The following CES5A variants were observed in gnomAD, a reference collection of about 807,000 sequenced individuals.
CES5A encodes the protein carboxylesterase 5A, also known as carboxylesterase 5.
In CES5A, 67 loss-of-function variants were observed where a neutral mutation model predicts 62.9. The ratio of observed to expected loss-of-function variants is 1.07; its 90% CI spans 0.88 to 1.31. CES5A has a LOEUF of 1.31. Among genes scored for constraint, CES5A ranks in the 50% most tolerant of loss-of-function variants. CES5A has a pLI of 0.00. For synonymous variants in CES5A, 296 were observed against 280.8 expected (o/e 1.05, Z -0.54); for missense variants, 748 against 708.5 (o/e 1.06, Z -0.63).
chr16:55,908,736 C>T (rs2034064097), intron 1 of CES5A, among the ~76,000 whole-genome samples: 1 of 152,188 alleles, frequency 6.6e-6, no homozygotes, highest in Non-Finnish European at 1.5e-5. Context: ...AGGTGACCTG[C>T]AATTCCCGCA....
intron 9 of CES5A, among the ~76,000 whole-genome samples, chr16:55,855,535 A>T (rs1450523626): frequency 6.6e-6 from 1 of 152,220 alleles, no homozygotes; most frequent in Non-Finnish European, 1.5e-5. Context: ...GTGTTTCAGC[A>T]TTCAGAGCTT....
chr16:55,897,844 G>A lies in CES5A; in HGVS notation c.-255-23807C>T, dbSNP rs1020078313. ...GTAGAATAAAGAAATGTAGTAGTAG[G>A]ATAAATAAATTGTGGTATATACATA... is the stretch of plus-strand genomic sequence containing the variant. On this transcript the variant is annotated intron_variant, in intron 1 of 12. Transcript: ENST00000518005. Among the ~76,000 whole-genome samples, 14 of 152,286 alleles carry A rather than the reference G, an allele frequency of 9.2e-5. No homozygotes were observed. The East Asian group carries it at 1.9e-3, about 21-fold the overall frequency.
intron 1 of CES5A, among the ~76,000 whole-genome samples, chr16:55,955,525 G>A (rs1405893386): frequency 5.3e-5 from 8 of 152,228 alleles, no homozygotes; most frequent in African/African-American, 1.2e-4. Context: ...GGAGCTTGAC[G>A]CTCCATTACC....
chr16:55,848,854 C>T (rs1230791482), intron 11 of CES5A, among the ~76,000 whole-genome samples: 4 of 152,062 alleles, frequency 2.6e-5, no homozygotes, highest in African/African-American at 4.8e-5. Context: ...CTTTATGGGG[C>T]TTATTTTATT....
chr16:55,930,304 C>T (rs192730019), upstream of CES5A, among the ~76,000 whole-genome samples: 82 of 152,204 alleles, frequency 5.4e-4, no homozygotes, highest in Middle Eastern at 3.4e-3. Flanking sequence ...CAGCATCATC[C>T]TTTGCCAGGC....
intron 2 of CES5A, 102 bp downstream of exon 2, chr16:55,873,731 C>T: frequency 2.8e-6 from 3 of 1,066,308 alleles, no homozygotes; most frequent in African/African-American, 1.6e-5. Flanking sequence ...TCCCTCCTCC[C>T]CCATCCATGC....
chr16:55,873,855 C>T lies in CES5A; in HGVS notation c.256G>A (p.Glu86Lys), dbSNP rs750484176. The part of the protein sequence containing the change: ...QPASPWDNLR[E>K]ATSYPNLCLQ... ...TACAAATTAGGGTAGGAGGTGGCTT[C>T]TCGCAAGTTATCCCAGGGCGATGCA... Residue 86 changes from glutamate to lysine, a missense_variant, in exon 2 of 13, where the codon GAA becomes AAA. Transcript: ENST00000290567. 3 of 1,613,204 alleles carry T rather than the reference C, an allele frequency of 1.9e-6. No individual in the cohort carries two copies. Among genetic ancestry groups the T allele is most frequent in the Non-Finnish European group, 2.5e-6 (3 of 1,179,696 alleles).
rs1226293603 is a variant in CES5A, at chr16:55,863,346, A to G, written c.810+2T>C. 5.5e-6 allele frequency: 8 copies of G among 1,459,084 alleles called. No individual in the cohort carries two copies. The highest frequency in any genetic ancestry group is 3.9e-6 in the Non-Finnish European group (4 of 1,038,962). The allele number at this position is 1,459,084 out of a possible 1,614,324, so 90.4% of individuals were successfully genotyped here. ...GTGGCAAGGTGTTAACAGTATACGT[A>G]CGTCCTCACTCTTCTCATAATCATG... On this transcript the variant is annotated splice_donor_variant, in intron 6 of 12. Coordinates refer to ENST00000290567, the MANE Select transcript of CES5A (RefSeq NM_001143685.2). LOFTEE classifies it high-confidence loss of function.
chr16:55,926,346 G>A (rs1293902877), upstream of CES5A, among the ~76,000 whole-genome samples: 1 of 152,132 alleles, frequency 6.6e-6, no homozygotes, highest in Non-Finnish European at 1.5e-5. Context: ...AAAAGTTGTG[G>A]AAAATGGAAT....
chr16:55,847,673 A>C, intron 11 of CES5A, among the ~76,000 whole-genome samples: 1 of 152,156 alleles, frequency 6.6e-6, no homozygotes, highest in Non-Finnish European at 1.5e-5. Flanking sequence ...AATTGATCTC[A>C]TATATAGGAC....
In CES5A at chr16:55,912,084, G is replaced by A. The variant is rs554093837; in HGVS notation, c.-256+13239C>T. The stretch of plus-strand genomic sequence containing the variant: ...CTCACAGGCCTTGTATCAACTCCCC[G>A]CCCCTCCCAGAAGTAGAGGAACATG... On this transcript the variant is annotated intron_variant, in intron 1 of 12. Transcript: ENST00000518005. 8.5e-5 allele frequency among the ~76,000 whole-genome samples: 13 copies of A among 152,160 alleles called. No individual in the cohort carries two copies. The East Asian group carries it at 9.7e-4, about 11-fold the overall frequency.
intron 1 of CES5A, among the ~76,000 whole-genome samples, chr16:55,922,489 G>C (rs1173724818): frequency 6.6e-6 from 1 of 151,884 alleles, no homozygotes; most frequent in African/African-American, 2.4e-5. Flanking sequence ...TCAGCAAAAC[G>C]ATATAACAAT....
intron 1 of CES5A, among the ~76,000 whole-genome samples, chr16:55,912,830 G>A (rs879894092): frequency 2.0e-5 from 3 of 152,184 alleles, no homozygotes; most frequent in Non-Finnish European, 4.4e-5. Flanking sequence ...GAGGCCCTGA[G>A]AGGTGAAGAC....
intron 1 of CES5A, among the ~76,000 whole-genome samples, chr16:55,894,512 A>AAAAG (rs1555484117): frequency 2.7e-5 from 4 of 149,764 alleles, no homozygotes; most frequent in South Asian, 2.1e-4. Context: ...AAAAAAAAAA[A>AAAAG]AAAGAAAAGA....
chr16:55,873,028 C>A (rs1238150471), intron 2 of CES5A, among the ~76,000 whole-genome samples: 1 of 152,166 alleles, frequency 6.6e-6, no homozygotes. Context: ...CCTTGGACCA[C>A]ATGGGGTCAT....
chr16:55,864,537 A>G (rs574309475), intron 5 of CES5A, among the ~76,000 whole-genome samples: 4 of 152,246 alleles, frequency 2.6e-5, no homozygotes, highest in Non-Finnish European at 5.9e-5. Context: ...AATGAACTGT[A>G]TGTGTACAAA....
At chr16:55,866,852 TA>T (rs1234438702) in intron 4 of CES5A, among the ~76,000 whole-genome samples, 2 of 150,812 alleles carry the variant, frequency 1.3e-5, no homozygotes, top group Non-Finnish European at 3.0e-5. Flanking sequence ...AAAATAAAAA[TA>T]AAAAAATAAA....
chr16:55,894,604 C>T (rs1476760969), intron 1 of CES5A, among the ~76,000 whole-genome samples: 1 of 151,914 alleles, frequency 6.6e-6, no homozygotes, highest in African/African-American at 2.4e-5. Context: ...CTCCAAGGCC[C>T]CATTTCTCCA....
rs533421083 is a variant in CES5A, at chr16:55,873,875, G to C, written c.236C>G (p.Ser79Trp). 1.2e-6 allele frequency: 2 copies of C among 1,613,692 alleles called. No individual in the cohort carries two copies. The highest frequency in any genetic ancestry group is 1.7e-6 in the Non-Finnish European group (2 of 1,179,956). ...GGCTTCTCGCAAGTTATCCCAGGGC[G>C]ATGCAGGCTGCGGGTTCGTAAATCG... ...SLRFTNPQPA[S>W]PWDNLREATS... Residue 79 changes from serine to tryptophan, a missense_variant, in exon 2 of 13, where the codon TCG (serine) becomes TGG (tryptophan). Transcript: ENST00000290567.
Sources: gnomAD v4.1 joint callset for allele counts (sites outside exome capture counted in the v4.1 genomes callset) on GRCh38, gnomAD v4.1.1 for gene constraint, MANE v1.5 for transcripts, NCBI Gene and HGNC (gene_info 2026-07-23, HGNC 2026-07-21) for gene names.